Variants in OSR1 observed in about 807,000 individuals in gnomAD.
The protein encoded by OSR1 is protein odd-skipped-related 1.
Under a neutral mutation model 15.7 loss-of-function variants are expected in OSR1, and 3 were observed. The observed-to-expected ratio is 0.19, with a 90% confidence interval of 0.09 to 0.50. The LOEUF (loss-of-function observed/expected upper bound fraction) is 0.50, where lower values mean the gene tolerates loss of function less well. Among genes scored for constraint, OSR1 ranks in the 20% least tolerant of loss-of-function variants. The pLI is 0.97. For synonymous variants in OSR1, 166 were observed against 152.7 expected (o/e 1.09, Z -0.64); for missense variants, 271 against 351.1 (o/e 0.77, Z 1.82).
intron 2 of OSR1, among the ~76,000 whole-genome samples, chr2:19,352,716 C>A (rs1034608339): frequency 6.6e-6 from 1 of 152,180 alleles, no homozygotes; most frequent in African/African-American, 2.4e-5. Context: ...GAGCTGGGGT[C>A]GGACAATTTG....
At position 19,353,536 on chromosome 2, in the gene OSR1, G is replaced by C. The variant is rs1172741819; in HGVS notation, c.270C>G (p.Pro90=). The C allele has an allele frequency of 3.7e-6, 6 of 1,614,234 alleles. No homozygotes were observed. The highest frequency in any genetic ancestry group is 5.1e-6 in the Non-Finnish European group (6 of 1,180,048). The change falls in exon 2 of 3, where the codon CCC becomes CCG. Residue 90 remains proline, a synonymous_variant. Coordinates refer to ENST00000272223, the MANE Select transcript of OSR1 (RefSeq NM_145260.3). ...TGGGTTGAATGACATGAGGGAACCA[G>C]GGAAAGGCGGGCAGCTGGAAGCGCG... ...VDARFQLPAF[P]WFPHVIQPKP... is the part of the protein sequence containing the mutation.
At chr2:19,349,948 C>T (rs1572257897), downstream of OSR1, among the ~76,000 whole-genome samples, 1 of 152,004 alleles carries the variant, frequency 6.6e-6, no homozygotes, top group Non-Finnish European at 1.5e-5. Context: ...AACCTGCGTG[C>T]GCCGCTTGGG....
downstream of OSR1, among the ~76,000 whole-genome samples, chr2:19,350,497 G>A (rs183860379): frequency 1.1e-4 from 17 of 152,320 alleles, no homozygotes; most frequent in Admixed American, 3.9e-4. Flanking sequence ...GGCCCGGCTT[G>A]AGGCTGGGAT....
the OSR1 span, among the ~76,000 whole-genome samples, chr2:19,345,407 G>T: frequency 6.6e-6 from 1 of 151,944 alleles, no homozygotes; most frequent in East Asian, 1.9e-4. Flanking sequence ...GTAATGCCTA[G>T]GTTTTCTTCT....
At position 19,352,237 on chromosome 2, in the gene OSR1, C is replaced by T; in HGVS notation, c.*38G>A. The T allele has an allele frequency of 6.2e-7, 1 of 1,609,132 alleles. No individual in the cohort carries two copies. The highest frequency in any genetic ancestry group is 8.5e-7 in the Non-Finnish European group (1 of 1,176,870). On this transcript the variant is annotated 3_prime_UTR_variant, in exon 3 of 3. Transcript: ENST00000272223. ...CTTCTGGTCCCTATGGAGGAGAGGG[C>T]CGCTGGGCCTAGGGTCCTTGTGACC...
chr2:19,353,422 T>C lies in OSR1; in HGVS notation c.384A>G (p.Gln128=). The change falls in exon 2 of 3, where the codon CAA becomes CAG. Residue 128 remains glutamine, a synonymous_variant. Transcript: ENST00000272223. ...DFANLALAAT[Q]EDPAKLGRGE... ...CGCGACCGAGCTTGGCCGGATCTTC[T>C]TGCGTTGCTGCCAAGGCCAGGTTGG... is the stretch of plus-strand genomic sequence containing the variant. 1 of 1,614,126 alleles carries C rather than the reference T, an allele frequency of 6.2e-7. No homozygotes were observed. The highest frequency in any genetic ancestry group is 8.5e-7 in the Non-Finnish European group (1 of 1,179,966).
rs1664982315 is a variant in OSR1 at position 19,357,896 on chromosome 2, G to T, written c.-33+445C>A. Reference sequence around the variant, plus strand: ...GGGGCATGCACCTGTCCCTGGCGCGGTCGGCTGCGGCTGTGGCCATTCACT... The same window carrying T: ...GGGGCATGCACCTGTCCCTGGCGCGTTCGGCTGCGGCTGTGGCCATTCACT... On this transcript the variant is annotated intron_variant, in intron 1 of 2. Transcript: ENST00000272223. This position sits in a 1 kb window ranked among gnomAD's most constrained non-coding sequence, Gnocchi z 5.0. 1.3e-5 allele frequency: 2 copies of T among 152,328 alleles called. No individual in the cohort carries two copies. Among genetic ancestry groups the T allele is most frequent in the South Asian group, 4.1e-4 (2 of 4,834 alleles). 9.4% of individuals were successfully genotyped at this position (152,328 alleles called of 1,614,324 possible). A position where few individuals can be genotyped will look rare whatever the true frequency, so the allele number is the denominator to read the frequency against.
In OSR1 at chr2:19,357,734, A is replaced by G. The variant is rs1193226128; in HGVS notation, c.-33+607T>C. 2 of 152,246 alleles carry G rather than the reference A, an allele frequency of 1.3e-5. No individual in the cohort carries two copies. Among genetic ancestry groups the G allele is most frequent in the Admixed American group, 6.5e-5 (1 of 15,290 alleles). The allele number at this position is 152,246 out of a possible 1,614,324, so 9.4% of individuals were successfully genotyped here. On this transcript the variant is annotated intron_variant, in intron 1 of 2. Coordinates refer to ENST00000272223, the MANE Select transcript of OSR1 (RefSeq NM_145260.3). This position sits in a 1 kb window ranked among gnomAD's most constrained non-coding sequence, Gnocchi z 5.0. The stretch of plus-strand genomic sequence containing the variant: ...CTTGACGACACAGAGCAATCATCCT[A>G]TGGAGAATATCCCTAAGTTAGAGCG...
At chr2:19,354,412 C>CAA (rs1414830182) in intron 1 of OSR1, 1 of 153,280 alleles carries the variant, frequency 6.5e-6, no homozygotes, top group Non-Finnish European at 1.4e-5. Context: ...CACACACACA[C>CAA]ACACACACAC....
Position 19,353,923 on chromosome 2 carries a change from C to G in OSR1, c.-32-86G>C, listed in dbSNP as rs749264608. 3.1e-4 allele frequency: 351 copies of G among 1,115,442 alleles called. 5 individuals carry two copies. The Middle Eastern group carries it at 4.8e-3, about 15-fold the overall frequency. 69.1% of individuals were successfully genotyped at this position (1,115,442 alleles called of 1,614,324 possible). ...CCTTCCTCCTGAATTCCAGCCGAGC[C>G]ACACCCTCTCCTCACACCCAGCGCA... On this transcript the variant is annotated intron_variant, in intron 1 of 2. Coordinates refer to ENST00000272223, the MANE Select transcript of OSR1 (RefSeq NM_145260.3).
chr2:19,349,972 C>T (rs1363431939), downstream of OSR1, among the ~76,000 whole-genome samples: 5 of 152,204 alleles, frequency 3.3e-5, no homozygotes, highest in African/African-American at 1.2e-4. Context: ...AGACCGTCTA[C>T]ACCACCCGCA....
downstream of OSR1, among the ~76,000 whole-genome samples, chr2:19,350,775 C>T (rs1664822915): frequency 6.6e-6 from 1 of 151,776 alleles, no homozygotes; most frequent in Non-Finnish European, 1.5e-5. Context: ...AATTTTTCCT[C>T]CTAAGCGTCC....
intron 2 of OSR1, 121 bp from the exon 3 acceptor site, chr2:19,352,531 A>T: frequency 8.2e-7 from 1 of 1,221,312 alleles, no homozygotes; most frequent in Non-Finnish European, 1.2e-6. Flanking sequence ...ATAGTCAGGT[A>T]CCAAGTGTGG....
At chr2:19,349,772 G>A (rs1225447001), downstream of OSR1, among the ~76,000 whole-genome samples, 1 of 151,768 alleles carries the variant, frequency 6.6e-6, no homozygotes, top group South Asian at 2.1e-4. Context: ...CCCAGAAAGA[G>A]CCAAGGGACT....
At chr2:19,345,737 C>T in the OSR1 span, among the ~76,000 whole-genome samples, 1 of 152,160 alleles carries the variant, frequency 6.6e-6, no homozygotes, top group Non-Finnish European at 1.5e-5. Context: ...TTGGCTACAG[C>T]ACAACACATG....
At chr2:19,353,062 T>G (rs1572259574) in intron 2 of OSR1, 79 bp downstream of exon 2, 1 of 1,511,040 alleles carries the variant, frequency 6.6e-7, no homozygotes. Context: ...CAGTAGGGGG[T>G]CTCAAGAACC....
chr2:19,353,467 G>C lies in OSR1; in HGVS notation c.339C>G (p.Thr113=), dbSNP rs1371516323. The C allele has an allele frequency of 6.2e-7, 1 of 1,613,918 alleles. No individual in the cohort carries two copies. Among genetic ancestry groups the C allele is most frequent in the East Asian group, 2.2e-5 (1 of 44,884 alleles). The change falls in exon 2 of 3, where the codon ACC becomes ACG. Residue 113 remains threonine (T), a synonymous_variant. Coordinates refer to ENST00000272223, the MANE Select transcript of OSR1 (RefSeq NM_145260.3). ...GGTTGGCAAAATCAAAGCGCGGCTTGGTCTTGAGCGCTGGAACGCTGCCTC... is the reference window on the plus strand; with the variant it reads ...GGTTGGCAAAATCAAAGCGCGGCTTCGTCTTGAGCGCTGGAACGCTGCCTC... The part of the protein sequence containing the change: ...TAGGSVPALK[T]KPRFDFANLA...
At chr2:19,347,613 G>A (rs1202500015), downstream of OSR1, among the ~76,000 whole-genome samples, 2 of 152,236 alleles carry the variant, frequency 1.3e-5, no homozygotes, top group African/African-American at 2.4e-5. Context: ...CTCTAGAGAC[G>A]GCCCAGGAAG....
At chr2:19,345,709 T>A in the OSR1 span, among the ~76,000 whole-genome samples, 1 of 152,124 alleles carries the variant, frequency 6.6e-6, no homozygotes, top group Admixed American at 6.5e-5. Flanking sequence ...AACGATAAGG[T>A]CATGGAGACT....
Sources: gnomAD v4.1 joint callset for allele counts (sites outside exome capture counted in the v4.1 genomes callset) on GRCh38, gnomAD v4.1.1 for gene constraint, Gnocchi (gnomAD v3.1) non-coding constraint, MANE v1.5 for transcripts, NCBI Gene and HGNC (gene_info 2026-07-23, HGNC 2026-07-21) for gene names.